MTR: variants seen among roughly 807,000 people sequenced by gnomAD.
MTR encodes the protein methionine synthase.
Under a neutral mutation model 154.8 loss-of-function variants are expected in MTR, and 84 were observed. That is an observed-to-expected ratio of 0.54 (90% confidence interval 0.45 to 0.65). MTR has a LOEUF of 0.65. Ranked by LOEUF, MTR falls within the 30% of genes least tolerant of loss-of-function variation. MTR has a pLI of 0.00. For missense variants in MTR, 1,275 were observed against 1,570.2 expected, an observed-to-expected ratio of 0.81 and a Z score of 3.18; for synonymous variants, 554 against 553.9, an observed-to-expected ratio of 1.00 and a Z score of 0.00.
Position 236,900,221 on chromosome 1 carries a change from T to G in MTR, c.*2577T>G. 2.9e-6 allele frequency: 1 copy of G among 342,558 alleles called. No individual in the cohort carries two copies. Among genetic ancestry groups the G allele is most frequent in the Non-Finnish European group, 5.9e-6 (1 of 170,264 alleles). The allele number at this position is 342,558 out of a possible 1,614,324, so 21.2% of individuals were successfully genotyped here. A position where few individuals can be genotyped will look rare whatever the true frequency, so the allele number is the denominator to read the frequency against. Reference sequence around the variant, plus strand: ...AGATATATATATTCATTCTACGGGATATTATTCAGTAGTGGAAATGAGTGA... The same window carrying G: ...AGATATATATATTCATTCTACGGGAGATTATTCAGTAGTGGAAATGAGTGA... On this transcript the variant is annotated 3_prime_UTR_variant, in exon 33 of 33. Coordinates refer to ENST00000366577, the MANE Select transcript of MTR (RefSeq NM_000254.3).
chr1:236,840,773 T>C (rs1017650267), intron 15 of MTR, among the ~76,000 whole-genome samples: 7 of 152,208 alleles, frequency 4.6e-5, no homozygotes, highest in African/African-American at 1.7e-4. Context: ...TGAATGAAAT[T>C]GTGTTTCTAA....
intron 19 of MTR, among the ~76,000 whole-genome samples, chr1:236,860,195 C>T (rs1043526151): frequency 2.6e-5 from 4 of 151,722 alleles, no homozygotes; most frequent in African/African-American, 9.7e-5. Context: ...AAACATCCTG[C>T]AGTGCCCAGG....
chr1:236,888,107 G>A (rs974605638), intron 27 of MTR, among the ~76,000 whole-genome samples: 1 of 152,230 alleles, frequency 6.6e-6, no homozygotes, highest in Non-Finnish European at 1.5e-5. Context: ...TTTCCAGGCA[G>A]GAGTAAGAAG....
In MTR at chr1:236,795,327, G is replaced by C. The variant is rs1274187614; in HGVS notation, c.-377G>C. 5.5e-6 allele frequency: 7 copies of C among 1,282,634 alleles called. No homozygotes were observed. Among genetic ancestry groups the C allele is most frequent in the Non-Finnish European group, 7.1e-6 (7 of 989,762 alleles). 79.5% of individuals were successfully genotyped at this position (1,282,634 alleles called of 1,614,324 possible). On this transcript the variant is annotated 5_prime_UTR_variant, in exon 1 of 33. Transcript: ENST00000366577. ...GCGCTCTGAAAGGTTCTAAATGTCTGCGGGGCTCAGAGCCGGATGTCACGT... is the reference window on the plus strand; with the variant it reads ...GCGCTCTGAAAGGTTCTAAATGTCTCCGGGGCTCAGAGCCGGATGTCACGT...
rs1336704945 is a variant in MTR at position 236,795,412 on chromosome 1, C to T, written c.-292C>T. On this transcript the variant is annotated 5_prime_UTR_variant, in exon 1 of 33. Coordinates refer to ENST00000366577, the MANE Select transcript of MTR (RefSeq NM_000254.3). The stretch of plus-strand genomic sequence containing the variant: ...TCCGTGCCGTCCCGCGACTCCGCCT[C>T]TGGCCGCGCGTGTCTGGCTGCTAGG... 7 of 1,458,898 alleles carry T rather than the reference C, an allele frequency of 4.8e-6. No homozygotes were observed. In the East Asian group the frequency reaches 8.8e-5, roughly 18 times the overall value. 90.4% of individuals were successfully genotyped at this position (1,458,898 alleles called of 1,614,324 possible).
intron 19 of MTR, among the ~76,000 whole-genome samples, chr1:236,860,529 T>G (rs1359128389): frequency 6.6e-6 from 1 of 151,560 alleles, no homozygotes; most frequent in African/African-American, 2.4e-5. Context: ...CTTGGAGGAG[T>G]GGGGCTTGTC....
Position 236,816,567 on chromosome 1 carries a change from CTTCTT to C in MTR, c.764+32_764+36del, listed in dbSNP as rs759415065. On this transcript the variant is annotated intron_variant, in intron 8 of 32. Coordinates refer to ENST00000366577, the MANE Select transcript of MTR (RefSeq NM_000254.3). The stretch of plus-strand genomic sequence containing the variant: ...TGGTGAGTGATCCATCTTTCTGTAA[CTTCTT>C]TTCTTTTTTGGGGAACCTTTTCTGA... 1.5e-5 allele frequency: 24 copies of C among 1,600,260 alleles called. No homozygotes were observed. The South Asian group carries it at 2.4e-4, about 16-fold the overall frequency.
intron 29 of MTR, among the ~76,000 whole-genome samples, chr1:236,892,211 C>T (rs1276218667): frequency 6.6e-6 from 1 of 152,184 alleles, no homozygotes; most frequent in Non-Finnish European, 1.5e-5. Context: ...GTGGCTCACA[C>T]CTGTAATCCC....
chr1:236,855,687 C>T (rs535608303), intron 18 of MTR, among the ~76,000 whole-genome samples: 4 of 152,220 alleles, frequency 2.6e-5, no homozygotes, highest in East Asian at 3.8e-4. Context: ...GCAGAAGCAA[C>T]TCTAGAGTGG....
intron 11 of MTR, among the ~76,000 whole-genome samples, chr1:236,828,697 G>T (rs982908546): frequency 1.3e-5 from 2 of 152,110 alleles, no homozygotes; most frequent in African/African-American, 4.8e-5. Context: ...TGTGTGTGCT[G>T]TAGTAAAAAC....
At chr1:236,882,701 C>CGGGCT (rs1665813274) in intron 25 of MTR, among the ~76,000 whole-genome samples, 1 of 152,152 alleles carries the variant, frequency 6.6e-6, no homozygotes, top group Non-Finnish European at 1.5e-5. Context: ...CCTCCTTCAC[C>CGGGCT]ATCTTGAAGA....
Position 236,838,682 on chromosome 1 carries a change from A to G in MTR, c.1515+83A>G, listed in dbSNP as rs566128738. 2.0e-5 allele frequency: 27 copies of G among 1,373,374 alleles called. No individual in the cohort carries two copies. The East Asian group carries it at 4.9e-4, about 25-fold the overall frequency. 85.1% of individuals were successfully genotyped at this position (1,373,374 alleles called of 1,614,324 possible). Reference sequence around the variant, plus strand: ...GAAAATGCAAGTCTGAAACAGCTACATATATACATACACATATACATTTAT... The same window carrying G: ...GAAAATGCAAGTCTGAAACAGCTACGTATATACATACACATATACATTTAT... On this transcript the variant is annotated intron_variant, in intron 15 of 32. Transcript: ENST00000366577.
chr1:236,821,821 G>A (rs1042145354), intron 8 of MTR, among the ~76,000 whole-genome samples: 2 of 152,170 alleles, frequency 1.3e-5, no homozygotes, highest in South Asian at 4.1e-4. Context: ...AAGAATATCT[G>A]TTCTCCATTG....
At chr1:236,839,428 GT>G in intron 15 of MTR, among the ~76,000 whole-genome samples, 1 of 152,216 alleles carries the variant, frequency 6.6e-6, no homozygotes. Flanking sequence ...AAGATACTAA[GT>G]TTTGTAAACA....
At chr1:236,846,283 T>C (rs1290327561) in intron 15 of MTR, among the ~76,000 whole-genome samples, 3 of 152,200 alleles carry the variant, frequency 2.0e-5, no homozygotes, top group Admixed American at 2.0e-4. Flanking sequence ...CTAAATGAAA[T>C]GATTTTTAAT....
At chr1:236,874,124 A>G (rs1665295871) in intron 23 of MTR, among the ~76,000 whole-genome samples, 1 of 152,202 alleles carries the variant, frequency 6.6e-6, no homozygotes, top group South Asian at 2.1e-4. Context: ...ACACTGTGAT[A>G]TATTCAAGTC....
chr1:236,840,029 G>A (rs1024925808), intron 15 of MTR, among the ~76,000 whole-genome samples: 1 of 152,138 alleles, frequency 6.6e-6, no homozygotes, highest in Non-Finnish European at 1.5e-5. Flanking sequence ...ATCTGAGATG[G>A]GGGTGGTCTC....
chr1:236,863,443 T>C lies in MTR; in HGVS notation c.2305-11T>C, dbSNP rs915488066. On this transcript the variant is annotated splice_polypyrimidine_tract_variant and intron_variant, in intron 21 of 32. Transcript: ENST00000366577. ...ACCCTGCCTTGCTGAGCTGCTTGGC[T>C]TCCTTTCCAGGACCCTTACCAGGGC... The C allele has an allele frequency of 1.2e-6, 2 of 1,613,240 alleles. No homozygotes were observed. The highest frequency in any genetic ancestry group is 2.7e-5 in the African/African-American group (2 of 74,930).
At chr1:236,892,074 A>G (rs1435415681) in intron 29 of MTR, among the ~76,000 whole-genome samples, 2 of 152,182 alleles carry the variant, frequency 1.3e-5, no homozygotes, top group Admixed American at 6.5e-5. Flanking sequence ...TGTAAAAAAG[A>G]GTGTCTTAAT....
Sources: gnomAD v4.1 joint callset for allele counts (sites outside exome capture counted in the v4.1 genomes callset) on GRCh38, gnomAD v4.1.1 for gene constraint, MANE v1.5 for transcripts, NCBI Gene and HGNC (gene_info 2026-07-23, HGNC 2026-07-21) for gene names.